Variants in PTPRT observed in about 807,000 individuals in gnomAD.
PTPRT encodes protein tyrosine phosphatase receptor type T.
PTPRT carries 56 observed loss-of-function variants against 176.8 expected under a neutral mutation model. That is an observed-to-expected ratio of 0.32 (90% confidence interval 0.26 to 0.40). The LOEUF is 0.40. Ranked by LOEUF, PTPRT falls within the 10% of genes least tolerant of loss-of-function variation. PTPRT has a pLI of 1.00. For missense variants in PTPRT, 1,540 were observed against 1,908.2 expected (o/e 0.81, Z 3.60); for synonymous variants, 783 against 739.0 (o/e 1.06, Z -0.96).
chr20:42,707,126 T>C (rs1271731428), intron 6 of PTPRT, among the ~76,000 whole-genome samples: 1 of 152,232 alleles, frequency 6.6e-6, no homozygotes, highest in Admixed American at 6.5e-5. Flanking sequence ...TGTCAGACTC[T>C]TAGCCTCCAG....
intron 13 of PTPRT, among the ~76,000 whole-genome samples, chr20:42,277,880 C>G (rs1024943326): frequency 2.3e-5 from 3 of 130,694 alleles, no homozygotes; most frequent in African/African-American, 8.6e-5. Context: ...TGTTAGTCAT[C>G]CACTCATCCA....
the PTPRT span, among the ~76,000 whole-genome samples, chr20:42,041,503 C>T: frequency 6.6e-6 from 1 of 152,142 alleles, no homozygotes; most frequent in Admixed American, 6.5e-5. Context: ...GTCTAGACAT[C>T]CAGGAGCCTA....
rs575725499 is a variant in PTPRT, at chr20:42,235,829, A to G, written c.2342+400T>C. Among the ~76,000 whole-genome samples, 5 of 152,308 alleles carry G rather than the reference A, an allele frequency of 3.3e-5. No homozygotes were observed. In the South Asian group the frequency reaches 1.0e-3, roughly 32 times the overall value. On this transcript the variant is annotated intron_variant, in intron 15 of 30. Coordinates refer to ENST00000373187, the MANE Select transcript of PTPRT (RefSeq NM_007050.6). The stretch of plus-strand genomic sequence containing the variant: ...ATACCTTTCTAAACTTTGAGCCCCC[A>G]GGGCTACCCATTCTCCAAGTAAAAA...
Position 42,089,710 on chromosome 20 carries a change from A to G in PTPRT, c.3847-3857T>C, listed in dbSNP as rs1168392810. Among the ~76,000 whole-genome samples, 7 of 152,318 alleles carry G rather than the reference A, an allele frequency of 4.6e-5. No homozygotes were observed. In the East Asian group the frequency reaches 1.4e-3, roughly 29 times the overall value. On this transcript the variant is annotated intron_variant, in intron 27 of 30. Coordinates refer to ENST00000373187, the MANE Select transcript of PTPRT (RefSeq NM_007050.6). ...GACTACAGCAGCAGCAGAATGGGTGAATTCAGCAGGGTGATGTGCTGGCAA... is the reference window on the plus strand; with the variant it reads ...GACTACAGCAGCAGCAGAATGGGTGGATTCAGCAGGGTGATGTGCTGGCAA...
At chr20:42,599,033 T>C (rs1323000741) in intron 7 of PTPRT, among the ~76,000 whole-genome samples, 4 of 152,116 alleles carry the variant, frequency 2.6e-5, no homozygotes, top group Non-Finnish European at 5.9e-5. Context: ...GGGAGCAAAC[T>C]GGAGGCAGGG....
chr20:42,050,612 G>A, the PTPRT span, among the ~76,000 whole-genome samples: 7 of 152,198 alleles, frequency 4.6e-5, no homozygotes, highest in Non-Finnish European at 1.0e-4. Context: ...ACACATAGCA[G>A]CCTGGTGAAT....
chr20:42,072,102 T>C (rs1423661408), downstream of PTPRT, among the ~76,000 whole-genome samples: 1 of 152,194 alleles, frequency 6.6e-6, no homozygotes, highest in East Asian at 1.9e-4. Context: ...TAGCAAAATA[T>C]ATATGTGATT....
At chr20:42,034,331 G>T in the PTPRT span, among the ~76,000 whole-genome samples, 1 of 152,154 alleles carries the variant, frequency 6.6e-6, no homozygotes, top group Non-Finnish European at 1.5e-5. Flanking sequence ...GACCATTGTG[G>T]ACATCTCCAG....
intron 7 of PTPRT, among the ~76,000 whole-genome samples, chr20:42,547,048 G>C (rs902567194): frequency 6.6e-6 from 1 of 152,006 alleles, no homozygotes; most frequent in Non-Finnish European, 1.5e-5. Flanking sequence ...CTTGATTCAG[G>C]GTTGCCACAA....
intron 8 of PTPRT, among the ~76,000 whole-genome samples, chr20:42,460,994 G>A (rs761337144): frequency 6.6e-6 from 1 of 152,110 alleles, no homozygotes; most frequent in Non-Finnish European, 1.5e-5. Flanking sequence ...ATCACCTTGG[G>A]TAACACAATG....
At chr20:42,608,801 C>T (rs557092778) in intron 7 of PTPRT, among the ~76,000 whole-genome samples, 2 of 152,268 alleles carry the variant, frequency 1.3e-5, no homozygotes, top group East Asian at 3.9e-4. Context: ...AGGAGAAGAT[C>T]TTCAAGGGAA....
intron 12 of PTPRT, among the ~76,000 whole-genome samples, chr20:42,304,380 C>T (rs1186918989): frequency 1.3e-5 from 2 of 152,114 alleles, no homozygotes; most frequent in African/African-American, 4.8e-5. Context: ...TATGTAATAG[C>T]AATATCTGAC....
At chr20:42,315,652 T>A (rs2057710055) in intron 12 of PTPRT, 71 bp downstream of exon 12, 1 of 1,539,466 alleles carries the variant, frequency 6.5e-7, no homozygotes, top group African/African-American at 1.4e-5. Context: ...TCTAGAGCCC[T>A]GCTGACTTAT....
At chr20:42,764,535 G>A (rs1352375161) in intron 5 of PTPRT, among the ~76,000 whole-genome samples, 3 of 152,172 alleles carry the variant, frequency 2.0e-5, no homozygotes, top group African/African-American at 4.8e-5. Flanking sequence ...GGAAAGGCTG[G>A]AGTGTAACCC....
At chr20:42,646,868 C>A (rs578245581) in intron 7 of PTPRT, among the ~76,000 whole-genome samples, 2 of 144,722 alleles carry the variant, frequency 1.4e-5, no homozygotes, top group Non-Finnish European at 3.0e-5. Flanking sequence ...CTAGAGATCC[C>A]AACCTAAGAC....
chr20:43,188,889 C>A (rs1379928386), intron 1 of PTPRT, among the ~76,000 whole-genome samples: 3 of 152,244 alleles, frequency 2.0e-5, no homozygotes, highest in Non-Finnish European at 2.9e-5. Context: ...CCCCGCTCCC[C>A]CTACTCTGGG....
chr20:42,643,929 A>G (rs778079511), intron 7 of PTPRT, among the ~76,000 whole-genome samples: 3 of 151,230 alleles, frequency 2.0e-5, no homozygotes, highest in Non-Finnish European at 4.4e-5. Flanking sequence ...CTTCTTTGAC[A>G]AGGTGCTCTG....
At chr20:42,341,424 T>TA (rs2058109563) in intron 11 of PTPRT, among the ~76,000 whole-genome samples, 1 of 151,982 alleles carries the variant, frequency 6.6e-6, no homozygotes, top group African/African-American at 2.4e-5. Context: ...GATTAAACGA[T>TA]TAAAAAAAAA....
chr20:42,445,707 C>T (rs765731342), intron 9 of PTPRT, among the ~76,000 whole-genome samples: 6 of 152,162 alleles, frequency 3.9e-5, no homozygotes, highest in South Asian at 4.1e-4. Flanking sequence ...CAAGTCACAG[C>T]GAAGAAGCTA....
Sources: gnomAD v4.1 joint callset for allele counts (sites outside exome capture counted in the v4.1 genomes callset) on GRCh38, gnomAD v4.1.1 for gene constraint, MANE v1.5 for transcripts, NCBI Gene and HGNC (gene_info 2026-07-23, HGNC 2026-07-21) for gene names.